Variants in ABCA13 observed in about 807,000 individuals in gnomAD.
ABCA13 encodes ATP binding cassette subfamily A member 13, also known as ATP-binding cassette sub-family A member 13.
In ABCA13, 476 loss-of-function variants were observed where a neutral mutation model predicts 478.7. The observed-to-expected ratio is 0.99, with a 90% CI of 0.92 to 1.07. ABCA13 has a LOEUF of 1.07. Among genes scored for constraint, ABCA13 ranks in the 50% least tolerant of loss-of-function variants. The pLI is 0.00. For missense variants in ABCA13, 6,060 were observed against 5,910.6 expected (o/e 1.03, Z -0.83); for synonymous variants, 2,252 against 2,158.9 (o/e 1.04, Z -1.20).
intron 55 of ABCA13, among the ~76,000 whole-genome samples, chr7:48,553,915 G>A (rs777213128): frequency 2.3e-4 from 35 of 151,738 alleles, no homozygotes; most frequent in Admixed American, 6.6e-4. Context: ...GTTTTCCAAA[G>A]TAATAGTAAT....
rs748030333 is a variant in ABCA13, at chr7:48,271,984, T to C, written c.2318T>C (p.Leu773Pro). The change falls in exon 17 of 62, where the codon CTG becomes CCG. Residue 773 changes from leucine to proline, a missense_variant. Physicochemically the swap from Leu to Pro is moderately conservative, Grantham distance 98. Coordinates refer to ENST00000435803, the MANE Select transcript of ABCA13 (RefSeq NM_152701.5). ...GAGGATATTCTGAATATAAGTTCTC[T>C]GTGGACAAATCATTTAAAAAGTTTA... is the stretch of plus-strand genomic sequence containing the variant. ...LTEDILNISSLWTNHLKSLKR... is the reference protein window; with the variant it reads ...LTEDILNISSPWTNHLKSLKR... 3.1e-6 allele frequency: 5 copies of C among 1,613,562 alleles called. No individual in the cohort carries two copies. The highest frequency in any genetic ancestry group is 4.2e-6 in the Non-Finnish European group (5 of 1,179,730).
At chr7:48,264,301 A>C (rs1002733778) in intron 15 of ABCA13, among the ~76,000 whole-genome samples, 2 of 151,876 alleles carry the variant, frequency 1.3e-5, no homozygotes, top group Admixed American at 6.6e-5. Context: ...TTTTCCTTAA[A>C]ATTGAAATGT....
intron 55 of ABCA13, among the ~76,000 whole-genome samples, chr7:48,535,954 AGC>A: frequency 6.6e-6 from 1 of 152,178 alleles, no homozygotes; most frequent in East Asian, 1.9e-4. Flanking sequence ...CTGCTGAGAA[AGC>A]AAATGGACTC....
intron 34 of ABCA13, 105 bp from the exon 35 acceptor site, chr7:48,376,336 C>T: frequency 7.2e-7 from 1 of 1,391,972 alleles, no homozygotes; most frequent in Admixed American, 2.3e-5. Flanking sequence ...TGTTTTAGTT[C>T]TGTTCAACTT....
At chr7:48,246,147 A>T in intron 13 of ABCA13, 117 bp downstream of exon 13, 1 of 1,107,022 alleles carries the variant, frequency 9.0e-7, no homozygotes, top group Non-Finnish European at 1.2e-6. Flanking sequence ...AAGCCCACAC[A>T]CTTAAAGGAA....
Position 48,645,384 on chromosome 7 carries a change from A to T in ABCA13, c.15082-33A>T, listed in dbSNP as rs1039680992. On this transcript the variant is annotated intron_variant, in intron 61 of 61. Transcript: ENST00000435803. ...AGTGAGACCAAAGGGTTGTATTCTT[A>T]TAAGTAAACAACATTTTTATGGTTT... The T allele has an allele frequency of 2.6e-6, 4 of 1,510,420 alleles. No homozygotes were observed. In the South Asian group the frequency reaches 3.6e-5, roughly 14 times the overall value. 93.6% of individuals were successfully genotyped at this position (1,510,420 alleles called of 1,614,324 possible).
chr7:48,271,744 T>A (rs1179836097), intron 16 of ABCA13, 43 bp from the exon 17 acceptor site: 2 of 1,158,580 alleles, frequency 1.7e-6, no homozygotes, highest in African/African-American at 1.6e-5. Flanking sequence ...AAATCAAATT[T>A]ATTTTTTTAT....
intron 55 of ABCA13, among the ~76,000 whole-genome samples, chr7:48,549,656 G>T (rs543541977): frequency 1.1e-4 from 16 of 151,930 alleles, no homozygotes; most frequent in African/African-American, 3.6e-4. Context: ...TTCCACAATG[G>T]TTGAACAAAT....
intron 3 of ABCA13, among the ~76,000 whole-genome samples, chr7:48,203,312 G>A (rs962010046): frequency 6.6e-6 from 1 of 152,204 alleles, no homozygotes; most frequent in African/African-American, 2.4e-5. Context: ...ACACCTCCCC[G>A]CAAGCTGAAG....
chr7:48,258,478 T>A (rs979909132), intron 15 of ABCA13, among the ~76,000 whole-genome samples: 2 of 152,188 alleles, frequency 1.3e-5, no homozygotes, highest in Admixed American at 1.3e-4. Context: ...TGTCCCTTTT[T>A]TTCTTTATTA....
chr7:48,602,478 G>A (rs545014720), intron 58 of ABCA13, among the ~76,000 whole-genome samples: 2 of 152,180 alleles, frequency 1.3e-5, no homozygotes, highest in South Asian at 4.2e-4. Flanking sequence ...TATTAAATAG[G>A]GAATTCTTTC....
chr7:48,334,618 A>C (rs1805948332), intron 27 of ABCA13, among the ~76,000 whole-genome samples: 1 of 152,186 alleles, frequency 6.6e-6, no homozygotes, highest in Non-Finnish European at 1.5e-5. Context: ...TACAGGCGTG[A>C]GCCAGCACGC....
At position 48,384,024 on chromosome 7, in the gene ABCA13, G is replaced by A. The variant is rs551071153; in HGVS notation, c.11336-3798G>A. Among the ~76,000 whole-genome samples, 35 of 152,282 alleles carry A rather than the reference G, an allele frequency of 2.3e-4. 1 individual carries two copies. In the South Asian group the frequency reaches 3.1e-3, roughly 14 times the overall value. On this transcript the variant is annotated intron_variant, in intron 35 of 61. Transcript: ENST00000435803. ...ACAGTGAATATATTTATGTTCAGAT[G>A]TGTGTCCCCACTTTGTCATTGTGTC...
chr7:48,379,423 G>T (rs1813998700), intron 35 of ABCA13, among the ~76,000 whole-genome samples: 1 of 151,752 alleles, frequency 6.6e-6, no homozygotes, highest in African/African-American at 2.4e-5. Flanking sequence ...GAAACTTATG[G>T]ATAATGAAAA....
rs1264926172 is a variant in ABCA13, at chr7:48,372,228, A to T, written c.10864A>T (p.Met3622Leu). Residue 3622 changes from methionine (M) to leucine (L), a missense_variant, in exon 33 of 62, where the codon ATG becomes TTG. By Grantham distance (15) the Met-to-Leu change is conservative (BLOSUM62 2). Transcript: ENST00000435803. ...TTTCCTGGCCTGGTTCCTGGAGAAC[A>T]TGGCTGTGTTGACCATAAGCAGTGC... The part of the protein sequence containing the change: ...IHFLAWFLEN[M>L]AVLTISSATL... 1 of 1,613,920 alleles carries T rather than the reference A, an allele frequency of 6.2e-7. No individual in the cohort carries two copies. The highest frequency in any genetic ancestry group is 1.1e-5 in the South Asian group (1 of 91,080).
intron 3 of ABCA13, among the ~76,000 whole-genome samples, chr7:48,201,490 G>A (rs1040563047): frequency 6.6e-6 from 1 of 152,212 alleles, no homozygotes. Flanking sequence ...GGGAGGCTGA[G>A]GCGGGTGGAT....
At chr7:48,233,928 G>A in intron 7 of ABCA13, 90 bp from the exon 8 acceptor site, 4 of 1,444,650 alleles carry the variant, frequency 2.8e-6, no homozygotes, top group Non-Finnish European at 2.8e-6. Flanking sequence ...TTCCTTTAGA[G>A]GTGAAAAAAG....
intron 48 of ABCA13, among the ~76,000 whole-genome samples, chr7:48,495,263 T>G (rs1830176080): frequency 6.6e-6 from 1 of 152,198 alleles, no homozygotes; most frequent in Non-Finnish European, 1.5e-5. Flanking sequence ...CCTCTGACAT[T>G]TTTTATAATT....
intron 33 of ABCA13, among the ~76,000 whole-genome samples, chr7:48,372,759 C>G (rs1057181318): frequency 2.0e-5 from 3 of 152,120 alleles, no homozygotes; most frequent in Admixed American, 6.5e-5. Context: ...AAGCAACATT[C>G]TTAAGGAAGC....
Sources: allele counts gnomAD v4.1 joint callset (sites outside exome capture counted in the v4.1 genomes callset), GRCh38; gene constraint gnomAD v4.1.1; transcripts MANE v1.5; gene names NCBI Gene and HGNC (gene_info 2026-07-23, HGNC 2026-07-21).